The following KCNK9 variants were observed in gnomAD, a reference collection of about 807,000 sequenced individuals.
KCNK9 encodes the protein potassium two pore domain channel subfamily K member 9.
Under a neutral mutation model 10.8 loss-of-function variants are expected in KCNK9, and 1 was observed. The observed-to-expected ratio is 0.09, with a 90% CI of 0.03 to 0.44. KCNK9 has a LOEUF of 0.44. KCNK9 is among the 20% of genes least tolerant of loss of function. KCNK9 has a pLI of 0.97. For synonymous variants in KCNK9, 231 were observed against 222.7 expected, an observed-to-expected ratio of 1.04 and a Z score of -0.33; for missense variants, 303 against 515.0, an observed-to-expected ratio of 0.59 and a Z score of 3.98.
chr8:139,647,065 C>T (rs966521075), intron 1 of KCNK9, among the ~76,000 whole-genome samples: 1 of 152,260 alleles, frequency 6.6e-6, no homozygotes, highest in Non-Finnish European at 1.5e-5. Flanking sequence ...CTCTCCCGCC[C>T]TCTGTTGGCG....
At chr8:139,636,020 T>G (rs1815327529) in intron 1 of KCNK9, among the ~76,000 whole-genome samples, 1 of 152,208 alleles carries the variant, frequency 6.6e-6, no homozygotes, top group African/African-American at 2.4e-5. Context: ...AGACCCCCGT[T>G]TATGTTTTAG....
At chr8:139,673,962 C>T (rs1816493367) in intron 1 of KCNK9, among the ~76,000 whole-genome samples, 1 of 152,210 alleles carries the variant, frequency 6.6e-6, no homozygotes, top group Non-Finnish European at 1.5e-5. Context: ...GCCCCACCGC[C>T]CTGGCCTTGT....
chr8:139,661,908 G>A (rs750835649), intron 1 of KCNK9, among the ~76,000 whole-genome samples: 70 of 152,252 alleles, frequency 4.6e-4, no homozygotes, highest in Non-Finnish European at 6.6e-4. Context: ...GTGAGGGCCA[G>A]CCTCCTGTTC....
At chr8:139,686,332 C>T (rs978267963) in intron 1 of KCNK9, among the ~76,000 whole-genome samples, 2 of 152,150 alleles carry the variant, frequency 1.3e-5, no homozygotes, top group Admixed American at 6.5e-5. Flanking sequence ...AGGCAACCTA[C>T]AGAATGGGAG....
chr8:139,661,724 C>T (rs1253377618), intron 1 of KCNK9, among the ~76,000 whole-genome samples: 1 of 152,236 alleles, frequency 6.6e-6, no homozygotes, highest in Non-Finnish European at 1.5e-5. Flanking sequence ...GGGCAAAGGC[C>T]TGGCTTTGGA....
intron 1 of KCNK9, among the ~76,000 whole-genome samples, chr8:139,671,501 T>C (rs1816424884): frequency 6.9e-6 from 1 of 143,890 alleles, no homozygotes; most frequent in African/African-American, 2.6e-5. Flanking sequence ...CATTCTTCTT[T>C]TTTTAGTTTC....
intron 1 of KCNK9, among the ~76,000 whole-genome samples, chr8:139,656,469 G>A (rs933610388): frequency 3.9e-5 from 6 of 152,076 alleles, no homozygotes; most frequent in African/African-American, 1.2e-4. Context: ...TCCTGGGCGC[G>A]CTTGCCTCTC....
chr8:139,674,157 G>A (rs1243801327), intron 1 of KCNK9, among the ~76,000 whole-genome samples: 2 of 152,234 alleles, frequency 1.3e-5, no homozygotes, highest in Non-Finnish European at 2.9e-5. Context: ...GATGGTACTT[G>A]GAGGTGGGGC....
intron 1 of KCNK9, among the ~76,000 whole-genome samples, chr8:139,628,039 C>T (rs1815033114): frequency 6.6e-6 from 1 of 152,248 alleles, no homozygotes; most frequent in Admixed American, 6.5e-5. Flanking sequence ...AAACATGGCA[C>T]AGGCCAAACA....
intron 1 of KCNK9, among the ~76,000 whole-genome samples, chr8:139,687,046 CA>C (rs1816804702): frequency 6.6e-6 from 1 of 151,936 alleles, no homozygotes; most frequent in South Asian, 2.1e-4. Flanking sequence ...AGCAAAAAAT[CA>C]ATAAAATTGA....
chr8:139,694,755 CA>C (rs1484780671), intron 1 of KCNK9, among the ~76,000 whole-genome samples: 1 of 152,208 alleles, frequency 6.6e-6, no homozygotes, highest in East Asian at 1.9e-4. Flanking sequence ...ACCCCATTGC[CA>C]CCTACTGGTT....
At chr8:139,612,434 G>A (rs180729767), downstream of KCNK9, 2 of 152,128 alleles carry the variant, frequency 1.3e-5, no homozygotes, top group Admixed American at 1.3e-4. Flanking sequence ...AGGAGCTTTG[G>A]GGGGGCCAGG....
intron 1 of KCNK9, among the ~76,000 whole-genome samples, chr8:139,686,924 C>T (rs866566625): frequency 2.6e-5 from 4 of 152,044 alleles, no homozygotes; most frequent in South Asian, 2.1e-4. Flanking sequence ...AACATATAGC[C>T]TTTAGTGAAT....
At chr8:139,653,072 GCTGCC>G (rs1411594220) in intron 1 of KCNK9, among the ~76,000 whole-genome samples, 1 of 152,168 alleles carries the variant, frequency 6.6e-6, no homozygotes, top group Non-Finnish European at 1.5e-5. Flanking sequence ...CTCCTCAAAT[GCTGCC>G]AGGCTGTGGA....
intron 1 of KCNK9, among the ~76,000 whole-genome samples, chr8:139,668,970 T>C (rs929883067): frequency 6.6e-6 from 1 of 152,180 alleles, no homozygotes; most frequent in African/African-American, 2.4e-5. Flanking sequence ...AACAAAGCAA[T>C]AGCAATAAAG....
chr8:139,617,642 T>C lies in KCNK9; in HGVS notation c.*616A>G, dbSNP rs1204433414. On this transcript the variant is annotated 3_prime_UTR_variant, in exon 2 of 2. Transcript: ENST00000520439. ...GCTTGATTTGGCAAAATACGATAAA[T>C]CAAAAACCTTGTGGGTTTTGTCTTC... Among the ~76,000 whole-genome samples the C allele has an allele frequency of 6.6e-6, 1 of 152,106 alleles. No homozygotes were observed. The highest frequency in any genetic ancestry group is 6.5e-5 in the Admixed American group (1 of 15,276).
At chr8:139,674,849 G>A (rs1324960195) in intron 1 of KCNK9, among the ~76,000 whole-genome samples, 1 of 152,130 alleles carries the variant, frequency 6.6e-6, no homozygotes, top group Non-Finnish European at 1.5e-5. Flanking sequence ...TTCCCTGAAA[G>A]CCACACCTAG....
intron 1 of KCNK9, among the ~76,000 whole-genome samples, chr8:139,623,237 C>G (rs1814850300): frequency 6.6e-6 from 1 of 152,196 alleles, no homozygotes; most frequent in Non-Finnish European, 1.5e-5. Flanking sequence ...TCCCCCAGCA[C>G]CTGTGTGACA....
chr8:139,642,033 G>A (rs1815521180), intron 1 of KCNK9, among the ~76,000 whole-genome samples: 1 of 152,196 alleles, frequency 6.6e-6, no homozygotes, highest in African/African-American at 2.4e-5. Context: ...CCCCATGACT[G>A]GGAGTATGCA....
Sources: allele counts gnomAD v4.1 joint callset (sites outside exome capture counted in the v4.1 genomes callset), GRCh38; gene constraint gnomAD v4.1.1; transcripts MANE v1.5; gene names NCBI Gene and HGNC (gene_info 2026-07-23, HGNC 2026-07-21).